SLC39A11: variants seen among roughly 807,000 people sequenced by gnomAD.
SLC39A11 encodes the protein zinc transporter ZIP11.
Under a neutral mutation model 36.1 loss-of-function variants are expected in SLC39A11, and 33 were observed. That is an observed-to-expected ratio of 0.91 (90% CI 0.69 to 1.22). The LOEUF is 1.22. SLC39A11 is among the 50% of genes most tolerant of loss of function. The pLI, the probability that SLC39A11 is intolerant of heterozygous loss-of-function variation, is 0.00. For synonymous variants in SLC39A11, 166 were observed against 170.3 expected (o/e 0.97, Z 0.20); for missense variants, 432 against 430.3 (o/e 1.00, Z -0.03).
At chr17:73,077,417 G>C (rs1041379736) in intron 3 of SLC39A11, among the ~76,000 whole-genome samples, 1 of 152,132 alleles carries the variant, frequency 6.6e-6, no homozygotes, top group Admixed American at 6.5e-5. Context: ...TCCCAGGCTC[G>C]AGCAATTCTC....
At chr17:73,040,988 A>AAAAAAAC (rs71359753) in intron 3 of SLC39A11, among the ~76,000 whole-genome samples, 77,541 of 131,712 alleles carry the variant, frequency 0.59, 24,163 homozygotes, top group East Asian at 0.72. Context: ...CCATCTCAAA[A>AAAAAAAC]AAAAAACAAA....
chr17:72,963,209 C>T (rs1223005706), intron 4 of SLC39A11, among the ~76,000 whole-genome samples: 1 of 117,734 alleles, frequency 8.5e-6, no homozygotes, highest in African/African-American at 3.3e-5. Context: ...CTCACTCTGT[C>T]CCCCAGGCTG....
intron 6 of SLC39A11, among the ~76,000 whole-genome samples, chr17:72,800,098 T>C (rs2077033318): frequency 2.0e-5 from 3 of 152,008 alleles, no homozygotes; most frequent in South Asian, 2.1e-4. Flanking sequence ...GTTGAAATAT[T>C]AGGGGCAGGT....
intron 6 of SLC39A11, among the ~76,000 whole-genome samples, chr17:72,774,584 C>T (rs577523964): frequency 2.6e-5 from 4 of 152,296 alleles, no homozygotes; most frequent in African/African-American, 9.6e-5. Context: ...TAAAGGTAAA[C>T]AGACTCGTCT....
chr17:72,921,065 G>A (rs947891571), intron 5 of SLC39A11, among the ~76,000 whole-genome samples: 5 of 152,134 alleles, frequency 3.3e-5, no homozygotes, highest in Admixed American at 6.6e-5. Context: ...TTGTTCGGTT[G>A]GTTGGTTGAT....
chr17:73,031,652 A>G lies in SLC39A11; in HGVS notation c.210T>C (p.Ser70=), dbSNP rs1453718959. ...LAPAVEMATS[S]GGFGAFAFFP... ...AGAAGGCAAAGGCACCGAAGCCCCCAGAGGACGTGGCCATCTCAACTGCTG... is the reference window on the plus strand; with the variant it reads ...AGAAGGCAAAGGCACCGAAGCCCCCGGAGGACGTGGCCATCTCAACTGCTG... The change falls in exon 4 of 10, where the codon TCT becomes TCC. Residue 70 remains serine, a synonymous_variant. Coordinates refer to ENST00000255559, the MANE Select transcript of SLC39A11 (RefSeq NM_139177.4). 1 of 1,614,066 alleles carries G rather than the reference A, an allele frequency of 6.2e-7. No homozygotes were observed. Among genetic ancestry groups the G allele is most frequent in the African/African-American group, 1.3e-5 (1 of 74,922 alleles).
rs145702223 is a variant in SLC39A11 at position 72,944,891 on chromosome 17, A to G, written c.430+2861T>C. ...AGAACAATGGGTCAGGTGTGATTAT[A>G]GAAACATGATAATTCTGAAAGGATG... On this transcript the variant is annotated intron_variant, in intron 5 of 9. Transcript: ENST00000255559. Among the ~76,000 whole-genome samples the G allele has an allele frequency of 3.8e-4, 58 of 152,376 alleles. No homozygotes were observed. In the East Asian group the frequency reaches 9.2e-3, roughly 24 times the overall value.
intron 7 of SLC39A11, among the ~76,000 whole-genome samples, chr17:72,728,295 G>T (rs2074014999): frequency 6.6e-6 from 1 of 152,014 alleles, no homozygotes; most frequent in African/African-American, 2.4e-5. Flanking sequence ...ACAATTAGCT[G>T]GGTGTGGTGG....
chr17:72,925,690 G>T (rs1336859967), intron 5 of SLC39A11, among the ~76,000 whole-genome samples: 8 of 152,206 alleles, frequency 5.3e-5, no homozygotes, highest in African/African-American at 1.9e-4. Flanking sequence ...CATATGATTT[G>T]TTAAGCAACA....
intron 5 of SLC39A11, among the ~76,000 whole-genome samples, chr17:72,889,057 T>C (rs537736854): frequency 1.3e-5 from 2 of 152,312 alleles, no homozygotes; most frequent in South Asian, 4.1e-4. Context: ...TGACTCTGAA[T>C]ACAGGGCAAA....
intron 6 of SLC39A11, among the ~76,000 whole-genome samples, chr17:72,758,322 C>T (rs1350842857): frequency 6.6e-6 from 1 of 152,136 alleles, no homozygotes; most frequent in Non-Finnish European, 1.5e-5. Flanking sequence ...TAAGACAATA[C>T]TTGGTTACTT....
intron 6 of SLC39A11, among the ~76,000 whole-genome samples, chr17:72,788,858 G>A (rs1331140790): frequency 1.3e-5 from 2 of 152,218 alleles, no homozygotes; most frequent in Non-Finnish European, 2.9e-5. Flanking sequence ...AGTAAAAGGA[G>A]GTGACTGTCA....
intron 5 of SLC39A11, among the ~76,000 whole-genome samples, chr17:72,872,931 T>G (rs1460341857): frequency 6.6e-6 from 1 of 151,768 alleles, no homozygotes; most frequent in South Asian, 2.1e-4. Flanking sequence ...GGCGGGCACC[T>G]GTAGTCCCAG....
chr17:72,941,556 GTTT>G (rs11350044), intron 5 of SLC39A11, among the ~76,000 whole-genome samples: 1 of 146,692 alleles, frequency 6.8e-6, no homozygotes, highest in Non-Finnish European at 1.5e-5. Context: ...TCAGGACTGT[GTTT>G]TTTTTTTTTT....
intron 6 of SLC39A11, among the ~76,000 whole-genome samples, chr17:72,820,949 GTAT>G (rs1276144951): frequency 2.0e-5 from 3 of 148,822 alleles, no homozygotes; most frequent in African/African-American, 7.3e-5. Flanking sequence ...AATGTCTGCC[GTAT>G]TATAAGGTTT....
At chr17:72,801,307 G>A (rs1347908985) in intron 6 of SLC39A11, among the ~76,000 whole-genome samples, 1 of 152,080 alleles carries the variant, frequency 6.6e-6, no homozygotes, top group African/African-American at 2.4e-5. Flanking sequence ...TGCAACCTCT[G>A]CCTCCTGGGT....
intron 7 of SLC39A11, among the ~76,000 whole-genome samples, chr17:72,651,384 G>A (rs1034964749): frequency 2.6e-5 from 4 of 151,902 alleles, no homozygotes; most frequent in African/African-American, 7.3e-5. Context: ...GCTGGGAGCC[G>A]AGGACACCTG....
chr17:72,662,423 GAAAGAAAGAA>G (rs1252150326), intron 7 of SLC39A11, among the ~76,000 whole-genome samples: 3 of 111,488 alleles, frequency 2.7e-5, no homozygotes, highest in Non-Finnish European at 5.7e-5. Context: ...AAAAGAAAGA[GAAAGAAAGAA>G]AAAGAAAGAA....
intron 4 of SLC39A11, among the ~76,000 whole-genome samples, chr17:73,028,562 C>T (rs1283150346): frequency 6.6e-6 from 1 of 152,174 alleles, no homozygotes; most frequent in Non-Finnish European, 1.5e-5. Flanking sequence ...CCCCCTCTCA[C>T]ATCGACAGCA....
Sources: allele counts gnomAD v4.1 joint callset (sites outside exome capture counted in the v4.1 genomes callset), GRCh38; gene constraint gnomAD v4.1.1; transcripts MANE v1.5; gene names NCBI Gene and HGNC (gene_info 2026-07-23, HGNC 2026-07-21).